The following NAA16 variants were observed in gnomAD, a reference collection of about 807,000 sequenced individuals.
The protein encoded by NAA16 is NARG1-like protein.
Under a neutral mutation model 110.3 loss-of-function variants are expected in NAA16, and 97 were observed. The ratio of observed to expected loss-of-function variants is 0.88; its 90% CI spans 0.75 to 1.04. NAA16 has a LOEUF of 1.04. Among genes scored for constraint, NAA16 ranks in the 50% least tolerant of loss-of-function variants. The pLI, the probability that NAA16 is intolerant of heterozygous loss-of-function variation, is 0.00. For missense variants in NAA16, 1,017 were observed against 1,005.1 expected, an observed-to-expected ratio of 1.01 and a Z score of -0.16; for synonymous variants, 372 against 330.6, an observed-to-expected ratio of 1.13 and a Z score of -1.36.
intron 5 of NAA16, among the ~76,000 whole-genome samples, chr13:41,324,715 A>G (rs1375497464): frequency 1.3e-5 from 2 of 150,880 alleles, no homozygotes; most frequent in African/African-American, 2.4e-5. Flanking sequence ...TTCTAGAGAC[A>G]GGATCTGACT....
chr13:41,318,832 C>T lies in NAA16; in HGVS notation c.166C>T (p.Leu56=), dbSNP rs752006927. 3 of 1,594,058 alleles carry T rather than the reference C, an allele frequency of 1.9e-6. No homozygotes were observed. In the South Asian group the frequency reaches 3.5e-5, roughly 18 times the overall value. ...GETLAMKGLT[L]NCLGKKEEAY... is the part of the protein sequence containing the mutation. ...GACTTTGGCTATGAAAGGATTAACA[C>T]TGAACTGTTTAGGAAAAAAAGAAGA... The change falls in exon 3 of 20, where the codon CTG becomes TTG. Residue 56 remains leucine, a synonymous_variant. Transcript: ENST00000379406.
Position 41,316,836 on chromosome 13 carries a change from T to A in NAA16, c.55-10T>A. 6.3e-7 allele frequency: 1 copy of A among 1,591,788 alleles called. No homozygotes were observed. The highest frequency in any genetic ancestry group is 8.6e-7 in the Non-Finnish European group (1 of 1,160,046). Reference sequence around the variant, plus strand: ...TTGATAAAATAACTTTTGTTCATATTTCTTTACAGAAATGTTATGAACAGA... The same window carrying A: ...TTGATAAAATAACTTTTGTTCATATATCTTTACAGAAATGTTATGAACAGA... On this transcript the variant is annotated splice_polypyrimidine_tract_variant and intron_variant, in intron 1 of 19. Transcript: ENST00000379406.
At chr13:41,330,344 A>G (rs2042205993) in intron 7 of NAA16, among the ~76,000 whole-genome samples, 1 of 151,978 alleles carries the variant, frequency 6.6e-6, no homozygotes, top group Non-Finnish European at 1.5e-5. Flanking sequence ...GCTTGATATT[A>G]ATCTTGAATA....
rs140553780 is a variant in NAA16 at position 41,349,952 on chromosome 13, C to T, written c.1015-5192C>T. On this transcript the variant is annotated intron_variant, in intron 9 of 19. Coordinates refer to ENST00000379406, the MANE Select transcript of NAA16 (RefSeq NM_024561.5). ...TTCCAGCCTGGGTGACAGAGCGAGA[C>T]TCCGTCTCAAAAAAAAAAAAAAAAG... Among the ~76,000 whole-genome samples, 12 of 101,176 alleles carry T rather than the reference C, an allele frequency of 1.2e-4. No individual in the cohort carries two copies. The East Asian group carries it at 3.2e-3, about 27-fold the overall frequency. The allele number at this position is 101,176 out of a possible 152,430, so 66.4% of individuals were successfully genotyped here.
rs767372879 is a variant in NAA16, at chr13:41,372,793, A to G, written c.2118A>G (p.Pro706=). 7 of 1,594,732 alleles carry G rather than the reference A, an allele frequency of 4.4e-6. No homozygotes were observed. The highest frequency in any genetic ancestry group is 6.0e-6 in the Non-Finnish European group (7 of 1,167,642). ...CTTTTGCCATTAACAGTAATAACCC[A>G]TGGTTACATGAATGTTTAATTAGAT... is the stretch of plus-strand genomic sequence containing the variant. The part of the protein sequence containing the change: ...KRAFAINSNN[P]WLHECLIRFS... The change falls in exon 17 of 20, where the codon CCA becomes CCG. Residue 706 remains proline (P), a synonymous_variant. Transcript: ENST00000379406.
chr13:41,362,269 G>A, intron 13 of NAA16, 110 bp downstream of exon 13: 9 of 1,217,150 alleles, frequency 7.4e-6, no homozygotes, highest in Non-Finnish European at 1.0e-5. Flanking sequence ...GCTTCATTGT[G>A]AAAAAAATTC....
rs550676228 is a variant in NAA16 at position 41,346,172 on chromosome 13, G to A, written c.1015-8972G>A. Among the ~76,000 whole-genome samples the A allele has an allele frequency of 3.3e-3, 504 of 152,306 alleles. 2 individuals carry two copies. Among genetic ancestry groups the A allele is most frequent in the Admixed American group, 5.2e-3 (79 of 15,292 alleles). On this transcript the variant is annotated intron_variant, in intron 9 of 19. Coordinates refer to ENST00000379406, the MANE Select transcript of NAA16 (RefSeq NM_024561.5). ...AGTTCATTTTGTATATGGTGTGGTAGGAGTCCAGATTCATTCTTTTGTGTG... is the reference window on the plus strand; with the variant it reads ...AGTTCATTTTGTATATGGTGTGGTAAGAGTCCAGATTCATTCTTTTGTGTG...
intron 7 of NAA16, 118 bp downstream of exon 7, chr13:41,328,961 A>C: frequency 1.2e-6 from 1 of 868,724 alleles, no homozygotes. Context: ...TTTTCCATTT[A>C]GTAAAATTAT....
chr13:41,359,401 G>T (rs1455953216), intron 12 of NAA16, among the ~76,000 whole-genome samples: 1 of 152,092 alleles, frequency 6.6e-6, no homozygotes, highest in East Asian at 1.9e-4. Flanking sequence ...TAAGTTTCCT[G>T]AGATGGGCTA....
chr13:41,323,595 G>A (rs1278211101), intron 5 of NAA16, among the ~76,000 whole-genome samples: 1 of 150,442 alleles, frequency 6.6e-6, no homozygotes, highest in Non-Finnish European at 1.5e-5. Context: ...CTCGTGATCC[G>A]CCCACCTCGG....
intron 12 of NAA16, among the ~76,000 whole-genome samples, chr13:41,360,951 A>G (rs747028135): frequency 2.6e-5 from 4 of 152,214 alleles, no homozygotes; most frequent in Non-Finnish European, 5.9e-5. Context: ...AAATACATCA[A>G]TAATTCTGTT....
At chr13:41,373,328 G>A (rs1309939195) in intron 17 of NAA16, 1 of 439,248 alleles carries the variant, frequency 2.3e-6, no homozygotes, top group Non-Finnish European at 3.0e-6. Context: ...CACGATCTTG[G>A]CTCACTGCAA....
chr13:41,364,146 T>C (rs1566296431), intron 13 of NAA16, among the ~76,000 whole-genome samples: 1 of 152,140 alleles, frequency 6.6e-6, no homozygotes, highest in Admixed American at 6.6e-5. Flanking sequence ...GTGTCTTAAA[T>C]ATTTTAATAA....
At chr13:41,354,881 G>A (rs2042939546) in intron 9 of NAA16, among the ~76,000 whole-genome samples, 1 of 125,910 alleles carries the variant, frequency 7.9e-6, no homozygotes, top group Non-Finnish European at 1.6e-5. Flanking sequence ...TTATAGGAGT[G>A]GTCCATTTTT....
In NAA16 at chr13:41,372,849, C is replaced by T. The variant is rs1407579163; in HGVS notation, c.2155+19C>T. ...AAATCTGGTAAGTATAAAAAAGGAC[C>T]ATATTTACATTTGTGAATTATTTCT... On this transcript the variant is annotated intron_variant, in intron 17 of 19. Coordinates refer to ENST00000379406, the MANE Select transcript of NAA16 (RefSeq NM_024561.5). The T allele has an allele frequency of 2.0e-6, 3 of 1,493,724 alleles. No individual in the cohort carries two copies. The highest frequency in any genetic ancestry group is 2.7e-6 in the Non-Finnish European group (3 of 1,111,600). 92.5% of individuals were successfully genotyped at this position (1,493,724 alleles called of 1,614,324 possible).
intron 1 of NAA16, among the ~76,000 whole-genome samples, chr13:41,314,341 C>T (rs1303003341): frequency 6.6e-6 from 1 of 151,964 alleles, no homozygotes; most frequent in African/African-American, 2.4e-5. Flanking sequence ...CTCAGTAGTT[C>T]CTTTCTCTTG....
At chr13:41,339,046 G>T (rs746503255) in intron 9 of NAA16, among the ~76,000 whole-genome samples, 1 of 152,154 alleles carries the variant, frequency 6.6e-6, no homozygotes, top group African/African-American at 2.4e-5. Flanking sequence ...ATTCATGTTG[G>T]TATCATGAAA....
chr13:41,358,527 A>G (rs770897059), intron 11 of NAA16, 54 bp downstream of exon 11: 107 of 1,596,052 alleles, frequency 6.7e-5, no homozygotes, highest in Non-Finnish European at 8.9e-5. Flanking sequence ...TACTTTAAGA[A>G]TCCTTGGAGT....
Position 41,358,810 on chromosome 13 carries a change from C to T in NAA16, c.1258C>T (p.His420Tyr). The stretch of plus-strand genomic sequence containing the variant: ...TGGTTCCTTTAATTATCTTTTATAG[C>T]ATATAGGTAATCTCAAAGAAGCTGC... ...LFYMKAKIYKHIGNLKEAAKW... is the reference protein window; with the variant it reads ...LFYMKAKIYKYIGNLKEAAKW... Residue 420 changes from histidine to tyrosine, a missense_variant and splice_region_variant, in exon 12 of 20, where the codon CAT becomes TAT. By Grantham distance (83) the His-to-Tyr change is moderately conservative. Coordinates refer to ENST00000379406, the MANE Select transcript of NAA16 (RefSeq NM_024561.5). 1 of 1,595,060 alleles carries T rather than the reference C, an allele frequency of 6.3e-7. No homozygotes were observed. The highest frequency in any genetic ancestry group is 1.1e-5 in the South Asian group (1 of 87,902).
Sources: allele counts gnomAD v4.1 joint callset (sites outside exome capture counted in the v4.1 genomes callset), GRCh38; gene constraint gnomAD v4.1.1; transcripts MANE v1.5; gene names NCBI Gene and HGNC (gene_info 2026-07-23, HGNC 2026-07-21).